Variants in ENAH observed in about 807,000 individuals in gnomAD.
The protein encoded by ENAH is protein enabled homolog.
A neutral mutation model predicts 78.7 loss-of-function variants in ENAH; 23 were observed. That is an observed-to-expected ratio of 0.29 (90% CI 0.21 to 0.41). ENAH has a LOEUF of 0.41. Among genes scored for constraint, ENAH ranks in the 10% least tolerant of loss-of-function variants. The pLI is 1.00. For synonymous variants in ENAH, 226 were observed against 241.0 expected (o/e 0.94, Z 0.58); for missense variants, 544 against 691.0 (o/e 0.79, Z 2.39).
chr1:225,544,547 G>A (rs539587084), intron 3 of ENAH, among the ~76,000 whole-genome samples: 1 of 152,332 alleles, frequency 6.6e-6, no homozygotes, highest in South Asian at 2.1e-4. Context: ...AACTTGCTAT[G>A]AGACATGAAA....
Position 225,487,540 on chromosome 1 carries a change from CATG to C in ENAH, c.*10232_*10234del, listed in dbSNP as rs749955858. Reference sequence around the variant, plus strand: ...GCAAGGCCCATTAATTCACAAATTCCATGATAAGATACATGAGGTTCTGTATGC... The same window carrying C: ...GCAAGGCCCATTAATTCACAAATTCCATAAGATACATGAGGTTCTGTATGC... On this transcript the variant is annotated 3_prime_UTR_variant, in exon 14 of 14. Coordinates refer to ENST00000366843, the MANE Select transcript of ENAH (RefSeq NM_018212.6). The C allele has an allele frequency of 1.3e-5, 2 of 152,200 alleles. No individual in the cohort carries two copies. Among genetic ancestry groups the C allele is most frequent in the Non-Finnish European group, 2.9e-5 (2 of 68,048 alleles). 9.4% of individuals were successfully genotyped at this position (152,200 alleles called of 1,614,324 possible).
At chr1:225,563,666 T>C (rs1407898104) in intron 2 of ENAH, among the ~76,000 whole-genome samples, 1 of 152,214 alleles carries the variant, frequency 6.6e-6, no homozygotes, top group Non-Finnish European at 1.5e-5. Context: ...TACTCATTAC[T>C]ACATTTGGTC....
At chr1:225,641,574 A>C (rs1661072060) in intron 1 of ENAH, among the ~76,000 whole-genome samples, 1 of 152,092 alleles carries the variant, frequency 6.6e-6, no homozygotes, top group African/African-American at 2.4e-5. Flanking sequence ...TGAAAAAAAG[A>C]ATGGAAAACT....
chr1:225,521,415 T>C (rs1391805294), intron 4 of ENAH, among the ~76,000 whole-genome samples: 8 of 152,072 alleles, frequency 5.3e-5, no homozygotes, highest in Admixed American at 5.2e-4. Context: ...TCCCAGCACT[T>C]TGGGAGGCCG....
intron 4 of ENAH, among the ~76,000 whole-genome samples, chr1:225,526,339 T>TC (rs1491547537): frequency 6.8e-4 from 94 of 137,852 alleles, no homozygotes; most frequent in African/African-American, 1.3e-3. Flanking sequence ...TCTCTCTCTC[T>TC]TTTTTTTTTT....
intron 4 of ENAH, among the ~76,000 whole-genome samples, chr1:225,523,942 G>C (rs2096487657): frequency 1.3e-5 from 2 of 152,142 alleles, no homozygotes; most frequent in African/African-American, 4.8e-5. Flanking sequence ...TTCAAAGAAA[G>C]AGTGCCTTAA....
Position 225,532,422 on chromosome 1 carries a change from A to G in ENAH, c.350-1784T>C, listed in dbSNP as rs368444188. 7.9e-5 allele frequency among the ~76,000 whole-genome samples: 12 copies of G among 152,254 alleles called. No homozygotes were observed. The East Asian group carries it at 1.5e-3, about 20-fold the overall frequency. On this transcript the variant is annotated intron_variant, in intron 3 of 13. Coordinates refer to ENST00000366843, the MANE Select transcript of ENAH (RefSeq NM_018212.6). ...AAAGCCTCAGGCTGCTTAAATAATG[A>G]AACAGCTGAATGTGAGTAGGTTAGA...
intron 12 of ENAH, among the ~76,000 whole-genome samples, chr1:225,499,142 A>T: frequency 6.6e-6 from 1 of 152,324 alleles, no homozygotes; most frequent in South Asian, 2.1e-4. Flanking sequence ...ATTAAAACAT[A>T]CTTTAAATAA....
intron 13 of ENAH, 147 bp downstream of exon 13, chr1:225,498,200 C>T: frequency 1.6e-6 from 1 of 643,966 alleles, no homozygotes; most frequent in Non-Finnish European, 2.7e-6. Context: ...GAAACCTCCT[C>T]CCCAAAACCC....
At chr1:225,514,496 G>GTTCA in intron 7 of ENAH, 100 bp downstream of exon 7, 1 of 1,011,066 alleles carries the variant, frequency 9.9e-7, no homozygotes, top group Admixed American at 2.0e-5. Context: ...AATCAATGAA[G>GTTCA]TTCATAACAT....
intron 3 of ENAH, among the ~76,000 whole-genome samples, chr1:225,552,567 T>C (rs1020808867): frequency 1.3e-5 from 2 of 152,252 alleles, no homozygotes; most frequent in African/African-American, 2.4e-5. Context: ...TCAGACTATT[T>C]AGAACTTAGC....
At chr1:225,519,599 T>C (rs1283914377) in intron 4 of ENAH, 34 bp from the exon 5 acceptor site, 2 of 1,573,390 alleles carry the variant, frequency 1.3e-6, no homozygotes, top group Non-Finnish European at 8.6e-7. Context: ...AAAACATGCA[T>C]CTATGGCTAC....
At chr1:225,549,889 ACAGTGTCCTG>A (rs1323852823) in intron 3 of ENAH, among the ~76,000 whole-genome samples, 2 of 152,162 alleles carry the variant, frequency 1.3e-5, no homozygotes, top group East Asian at 3.8e-4. Flanking sequence ...TATTATTACA[ACAGTGTCCTG>A]AATTGATCTT....
intron 3 of ENAH, 105 bp from the exon 4 acceptor site, chr1:225,530,743 G>C: frequency 1.1e-6 from 1 of 889,112 alleles, no homozygotes; most frequent in South Asian, 1.6e-5. Flanking sequence ...ATTTACAAAC[G>C]TGTCTTCTTT....
intron 3 of ENAH, chr1:225,531,066 G>A: frequency 5.0e-6 from 2 of 398,896 alleles, no homozygotes; most frequent in Non-Finnish European, 8.8e-6. Context: ...CACTGGAAAT[G>A]AAAAACAGGA....
intron 1 of ENAH, among the ~76,000 whole-genome samples, chr1:225,624,578 T>C (rs988625986): frequency 2.6e-5 from 4 of 152,072 alleles, no homozygotes; most frequent in Non-Finnish European, 5.9e-5. Flanking sequence ...GAGCTGAGAT[T>C]GCACCACTGC....
intron 2 of ENAH, among the ~76,000 whole-genome samples, chr1:225,565,168 G>A (rs1258969348): frequency 6.6e-6 from 1 of 152,158 alleles, no homozygotes; most frequent in Non-Finnish European, 1.5e-5. Flanking sequence ...TGGCGCGGTG[G>A]CTCACGCCTA....
At position 225,494,940 on chromosome 1, in the gene ENAH, T is replaced by C. The variant is rs916874905; in HGVS notation, c.*2835A>G. The C allele has an allele frequency of 1.3e-5, 2 of 152,628 alleles. No homozygotes were observed. The highest frequency in any genetic ancestry group is 2.9e-5 in the Non-Finnish European group (2 of 68,022). The allele number at this position is 152,628 out of a possible 1,614,324, so 9.5% of individuals were successfully genotyped here. A position where few individuals can be genotyped will look rare whatever the true frequency, so the allele number is the denominator to read the frequency against. On this transcript the variant is annotated 3_prime_UTR_variant, in exon 14 of 14. Coordinates refer to ENST00000366843, the MANE Select transcript of ENAH (RefSeq NM_018212.6). ...AAAACTGAAAATTCTAAAAAGGAAG[T>C]ACACCTAAAAGCATGAGAATTCAAC...
chr1:225,520,640 T>C (rs1011344754), intron 4 of ENAH, among the ~76,000 whole-genome samples: 9 of 152,032 alleles, frequency 5.9e-5, no homozygotes, highest in African/African-American at 2.2e-4. Flanking sequence ...GAGGATTGTC[T>C]GAACCCAAGA....
Sources: allele counts gnomAD v4.1 joint callset (sites outside exome capture counted in the v4.1 genomes callset), GRCh38; gene constraint gnomAD v4.1.1; transcripts MANE v1.5; gene names NCBI Gene and HGNC (gene_info 2026-07-23, HGNC 2026-07-21).